The following SGCZ variants were observed in gnomAD, a reference collection of about 807,000 sequenced individuals.
SGCZ encodes the protein sarcoglycan zeta, also known as zeta-sarcoglycan.
In SGCZ, 40 loss-of-function variants were observed where a neutral mutation model predicts 41.3. The observed-to-expected ratio is 0.97, with a 90% CI of 0.75 to 1.26. SGCZ has a LOEUF of 1.26. SGCZ is among the 50% of genes most tolerant of loss of function. The pLI is 0.00. For missense variants in SGCZ, 552 were observed against 369.8 expected, an observed-to-expected ratio of 1.49 and a Z score of -4.04; for synonymous variants, 206 against 137.5, an observed-to-expected ratio of 1.50 and a Z score of -3.49.
chr8:14,552,510 G>T (rs1803902261), intron 2 of SGCZ, among the ~76,000 whole-genome samples: 1 of 151,970 alleles, frequency 6.6e-6, no homozygotes, highest in African/African-American at 2.4e-5. Context: ...TAAAAGACAT[G>T]CTTCAAAGGA....
At chr8:14,642,167 A>T (rs780889838) in intron 1 of SGCZ, among the ~76,000 whole-genome samples, 2 of 151,716 alleles carry the variant, frequency 1.3e-5, no homozygotes, top group Non-Finnish European at 3.0e-5. Context: ...TAATGAGACA[A>T]CTAACGTGAA....
intron 1 of SGCZ, among the ~76,000 whole-genome samples, chr8:14,647,952 A>G (rs12541692): frequency 0.2 from 29,754 of 151,824 alleles, 3,424 homozygotes; most frequent in East Asian, 0.6. Context: ...AGTTCTATTT[A>G]ACCAAACACC....
intron 1 of SGCZ, among the ~76,000 whole-genome samples, chr8:14,768,878 A>G (rs1800132937): frequency 2.0e-5 from 3 of 152,092 alleles, no homozygotes. Flanking sequence ...AAGAGACAGA[A>G]CAAAGCCAAA....
chr8:14,263,404 C>T (rs1026249079), intron 3 of SGCZ, among the ~76,000 whole-genome samples: 1 of 151,958 alleles, frequency 6.6e-6, no homozygotes, highest in Non-Finnish European at 1.5e-5. Flanking sequence ...CAAAAATTAG[C>T]CAGGCGTGGA....
chr8:14,557,849 A>G (rs762677570), intron 1 of SGCZ, among the ~76,000 whole-genome samples: 1 of 152,294 alleles, frequency 6.6e-6, no homozygotes, highest in Non-Finnish European at 1.5e-5. Flanking sequence ...ACAAACAAAC[A>G]AAAATACAAC....
chr8:14,437,522 A>G (rs915771491), intron 2 of SGCZ, among the ~76,000 whole-genome samples: 7 of 151,950 alleles, frequency 4.6e-5, no homozygotes, highest in Admixed American at 3.9e-4. Context: ...CAAGCAATAC[A>G]TTTTTCATAA....
chr8:14,396,292 T>C (rs768447553), intron 2 of SGCZ, among the ~76,000 whole-genome samples: 3 of 152,176 alleles, frequency 2.0e-5, no homozygotes, highest in South Asian at 2.1e-4. Context: ...AGCCAAAAAA[T>C]TGTATATTCT....
intron 3 of SGCZ, among the ~76,000 whole-genome samples, chr8:14,267,485 G>T (rs1039365787): frequency 2.6e-5 from 4 of 152,110 alleles, no homozygotes; most frequent in South Asian, 2.1e-4. Flanking sequence ...TACATGGAGC[G>T]TTTAGGCTAT....
intron 2 of SGCZ, among the ~76,000 whole-genome samples, chr8:14,386,599 T>C (rs1050577480): frequency 3.3e-5 from 5 of 152,214 alleles, no homozygotes; most frequent in African/African-American, 1.2e-4. Flanking sequence ...TTCTATGTTG[T>C]ATATTTTCAA....
chr8:14,842,501 A>T (rs1472237263), intron 1 of SGCZ, among the ~76,000 whole-genome samples: 1 of 151,372 alleles, frequency 6.6e-6, no homozygotes, highest in African/African-American at 2.4e-5. Context: ...GGAAGAAAGG[A>T]AGGAAAGGAA....
At chr8:14,313,822 A>G (rs191716749) in intron 3 of SGCZ, among the ~76,000 whole-genome samples, 3 of 152,148 alleles carry the variant, frequency 2.0e-5, no homozygotes, top group Admixed American at 2.0e-4. Context: ...CTGAGCTGAT[A>G]TGTGCTTCCT....
chr8:14,599,049 G>C (rs539456968), intron 1 of SGCZ, among the ~76,000 whole-genome samples: 8 of 152,064 alleles, frequency 5.3e-5, no homozygotes, highest in Non-Finnish European at 1.0e-4. Context: ...CTCCTCCAAT[G>C]ATATTGTGGT....
At chr8:14,516,390 C>A (rs1182673053) in intron 2 of SGCZ, among the ~76,000 whole-genome samples, 1 of 151,892 alleles carries the variant, frequency 6.6e-6, no homozygotes, top group East Asian at 1.9e-4. Context: ...AAGGGGGATA[C>A]CTATATGGCA....
intron 3 of SGCZ, among the ~76,000 whole-genome samples, chr8:14,239,762 C>T (rs1394853074): frequency 6.7e-6 from 1 of 150,180 alleles, no homozygotes; most frequent in Non-Finnish European, 1.5e-5. Context: ...ATTAGCCGGG[C>T]GTAGTGGCGG....
chr8:14,452,082 T>C (rs1007137203), intron 2 of SGCZ, among the ~76,000 whole-genome samples: 3 of 152,234 alleles, frequency 2.0e-5, no homozygotes, highest in African/African-American at 4.8e-5. Context: ...ATAATCAAGA[T>C]GTCCTTCAGT....
At chr8:14,591,393 C>A (rs1805235344) in intron 1 of SGCZ, among the ~76,000 whole-genome samples, 1 of 151,916 alleles carries the variant, frequency 6.6e-6, no homozygotes, top group African/African-American at 2.4e-5. Flanking sequence ...CATCATAATG[C>A]TCATTTCTAG....
At chr8:14,209,052 A>C (rs1031013646) in intron 4 of SGCZ, among the ~76,000 whole-genome samples, 2 of 152,232 alleles carry the variant, frequency 1.3e-5, no homozygotes, top group Non-Finnish European at 2.9e-5. Context: ...TGGCATGTTC[A>C]AAATGACGCC....
At chr8:14,547,521 T>A (rs1363061706) in intron 2 of SGCZ, among the ~76,000 whole-genome samples, 1 of 152,194 alleles carries the variant, frequency 6.6e-6, no homozygotes, top group Non-Finnish European at 1.5e-5. Context: ...AAATGTACCA[T>A]ATAGAATAAC....
chr8:15,018,842 G>A (rs1454357060), intron 1 of SGCZ, among the ~76,000 whole-genome samples: 3 of 152,200 alleles, frequency 2.0e-5, no homozygotes, highest in Non-Finnish European at 4.4e-5. Context: ...TGTACAGGAA[G>A]CATGGCTGAG....
Sources: allele counts gnomAD v4.1 joint callset (sites outside exome capture counted in the v4.1 genomes callset), GRCh38; gene constraint gnomAD v4.1.1; transcripts MANE v1.5; gene names NCBI Gene and HGNC (gene_info 2026-07-23, HGNC 2026-07-21).